XPR1: variants seen among roughly 807,000 people sequenced by gnomAD.
XPR1 encodes xenotropic and polytropic retrovirus receptor 1.
A neutral mutation model predicts 87.5 loss-of-function variants in XPR1; 28 were observed. The ratio of observed to expected loss-of-function variants is 0.32; its 90% CI spans 0.24 to 0.44. The LOEUF (loss-of-function observed/expected upper bound fraction) is 0.44, where lower values mean the gene tolerates loss of function less well. XPR1 is among the 20% of genes least tolerant of loss of function. The pLI is 1.00. For synonymous variants in XPR1, 300 were observed against 306.1 expected (o/e 0.98, Z 0.21); for missense variants, 559 against 862.3 (o/e 0.65, Z 4.41).
At chr1:180,656,553 A>ATATAATATATAT (rs1371228766) in intron 1 of XPR1, among the ~76,000 whole-genome samples, 1 of 13,998 alleles carries the variant, frequency 7.1e-5, no homozygotes, top group Non-Finnish European at 1.9e-4. Flanking sequence ...TTATATATTT[A>ATATAATATATAT]TATGTATAAT....
At chr1:180,868,614 TTGTC>T (rs1467605580) in intron 12 of XPR1, among the ~76,000 whole-genome samples, 3 of 131,800 alleles carry the variant, frequency 2.3e-5, no homozygotes, top group Admixed American at 7.8e-5. Context: ...GGCTCTCTGT[TTGTC>T]TGTTGTTGGT....
At chr1:180,842,374 TAAGG>T (rs1048317665) in intron 11 of XPR1, among the ~76,000 whole-genome samples, 1 of 152,038 alleles carries the variant, frequency 6.6e-6, no homozygotes, top group Non-Finnish European at 1.5e-5. Context: ...TTTTGGAAAG[TAAGG>T]GAGGAGGTTG....
intron 1 of XPR1, among the ~76,000 whole-genome samples, chr1:180,639,361 A>G (rs568878594): frequency 1.3e-5 from 2 of 152,300 alleles, no homozygotes; most frequent in South Asian, 4.1e-4. Flanking sequence ...TCTACTGTAA[A>G]CATAACTTAA....
Position 180,704,814 on chromosome 1 carries a change from GTTTTTTTT to G in XPR1, c.121+22421_121+22428del, listed in dbSNP as rs567903048. On this transcript the variant is annotated intron_variant, in intron 2 of 14. Transcript: ENST00000367590. ...GCCATTTTTCCAGGGACTGTTGGTT[GTTTTTTTT>G]TTTTTTTTTTTTTTTTTAAGTAATA... 5.0e-4 allele frequency among the ~76,000 whole-genome samples: 26 copies of G among 51,960 alleles called. 1 individual carries two copies. The East Asian group carries it at 0.013, about 25-fold the overall frequency. The allele number at this position is 51,960 out of a possible 152,430, so 34.1% of individuals were successfully genotyped here.
chr1:180,776,959 G>A (rs1422900421), intron 2 of XPR1, among the ~76,000 whole-genome samples: 1 of 152,208 alleles, frequency 6.6e-6, no homozygotes, highest in Admixed American at 6.5e-5. Flanking sequence ...AAAATCTTGT[G>A]TAGGGACTAC....
intron 2 of XPR1, among the ~76,000 whole-genome samples, chr1:180,760,858 T>A (rs1385736391): frequency 6.6e-6 from 1 of 152,108 alleles, no homozygotes; most frequent in African/African-American, 2.4e-5. Context: ...CTACCTGACT[T>A]CAAACTATAC....
chr1:180,814,240 T>G (rs1650323544), intron 7 of XPR1, among the ~76,000 whole-genome samples: 1 of 152,216 alleles, frequency 6.6e-6, no homozygotes, highest in Non-Finnish European at 1.5e-5. Context: ...AGAGTTCTTC[T>G]TCCTACCAGT....
At chr1:180,710,217 T>TG (rs1346162654) in intron 2 of XPR1, among the ~76,000 whole-genome samples, 1 of 151,926 alleles carries the variant, frequency 6.6e-6, no homozygotes, top group Non-Finnish European at 1.5e-5. Context: ...TTTTTTTTTT[T>TG]TTAATTGATC....
chr1:180,676,577 T>C (rs2101937452), intron 1 of XPR1, among the ~76,000 whole-genome samples: 1 of 152,312 alleles, frequency 6.6e-6, no homozygotes, highest in Non-Finnish European at 1.5e-5. Flanking sequence ...CACTACTCTA[T>C]ACTTGTAGAG....
At chr1:180,656,456 T>TAATATACA (rs1334113687) in intron 1 of XPR1, among the ~76,000 whole-genome samples, 2 of 3,338 alleles carry the variant, frequency 6.0e-4, no homozygotes, top group Non-Finnish European at 1.3e-3. Context: ...TATTTATATA[T>TAATATACA]TTATATATAA....
chr1:180,832,302 T>G (rs937246750), intron 9 of XPR1, among the ~76,000 whole-genome samples: 3 of 152,230 alleles, frequency 2.0e-5, no homozygotes, highest in African/African-American at 7.2e-5. Flanking sequence ...CTTCATCAGA[T>G]GGATAGATTG....
intron 2 of XPR1, among the ~76,000 whole-genome samples, chr1:180,706,496 A>G (rs1191018887): frequency 6.6e-6 from 1 of 152,268 alleles, no homozygotes; most frequent in Non-Finnish European, 1.5e-5. Flanking sequence ...GACCCAGAAT[A>G]TGCATAGAAA....
chr1:180,827,000 A>G (rs780009525), intron 9 of XPR1, among the ~76,000 whole-genome samples: 7 of 151,808 alleles, frequency 4.6e-5, no homozygotes, highest in Non-Finnish European at 7.4e-5. Flanking sequence ...CCAAAAATAT[A>G]AAAATTAGCC....
At chr1:180,766,806 C>T (rs969995003) in intron 2 of XPR1, among the ~76,000 whole-genome samples, 1 of 152,206 alleles carries the variant, frequency 6.6e-6, no homozygotes, top group East Asian at 1.9e-4. Flanking sequence ...TTATTTCTTA[C>T]ATTTGGGGTG....
At chr1:180,718,749 A>G (rs1571762537) in intron 2 of XPR1, among the ~76,000 whole-genome samples, 1 of 151,260 alleles carries the variant, frequency 6.6e-6, no homozygotes, top group South Asian at 2.1e-4. Context: ...GCTCACCGCA[A>G]CCCCTGCCTC....
At chr1:180,731,713 A>G (rs746920210) in intron 2 of XPR1, among the ~76,000 whole-genome samples, 25 of 152,334 alleles carry the variant, frequency 1.6e-4, no homozygotes, top group Middle Eastern at 3.4e-3. Flanking sequence ...CACATAATCA[A>G]TATAAAAATT....
chr1:180,823,252 A>AAC (rs398049817), intron 7 of XPR1, among the ~76,000 whole-genome samples: 38 of 151,970 alleles, frequency 2.5e-4, no homozygotes, highest in Non-Finnish European at 1.8e-4. Context: ...AAAAAAAAAA[A>AAC]CAAAAGTTTG....
intron 9 of XPR1, among the ~76,000 whole-genome samples, chr1:180,830,902 G>C (rs908126949): frequency 2.0e-5 from 3 of 152,208 alleles, no homozygotes; most frequent in Non-Finnish European, 4.4e-5. Context: ...TCGGTCTTCT[G>C]TAAAATGGGG....
intron 2 of XPR1, among the ~76,000 whole-genome samples, chr1:180,712,280 A>G (rs1657826474): frequency 6.6e-6 from 1 of 152,192 alleles, no homozygotes; most frequent in Non-Finnish European, 1.5e-5. Context: ...TGAGATGGCT[A>G]CTAAGTGACT....
Sources: gnomAD v4.1 joint callset for allele counts (sites outside exome capture counted in the v4.1 genomes callset) on GRCh38, gnomAD v4.1.1 for gene constraint, MANE v1.5 for transcripts, NCBI Gene and HGNC (gene_info 2026-07-23, HGNC 2026-07-21) for gene names.